Variants in PIGG observed in about 807,000 individuals in gnomAD.
The protein encoded by PIGG is phosphatidylinositol glycan anchor biosynthesis class G (EMM blood group), also known as GPI ethanolamine phosphate transferase 2, catalytic subunit.
Under a neutral mutation model 83.2 loss-of-function variants are expected in PIGG, and 70 were observed. That is an observed-to-expected ratio of 0.84 (90% CI 0.69 to 1.03). The LOEUF (loss-of-function observed/expected upper bound fraction) is 1.03, where lower values mean the gene tolerates loss of function less well. Ranked by LOEUF, PIGG falls within the 50% of genes least tolerant of loss-of-function variation. PIGG has a pLI of 0.00. For synonymous variants in PIGG, 532 were observed against 519.5 expected, an observed-to-expected ratio of 1.02 and a Z score of -0.33; for missense variants, 1,257 against 1,233.6, an observed-to-expected ratio of 1.02 and a Z score of -0.28.
At chr4:522,441 C>T in intron 8 of PIGG, 1 of 208,354 alleles carries the variant, frequency 4.8e-6, no homozygotes, top group Non-Finnish European at 9.8e-6. Flanking sequence ...CGGACGTTTT[C>T]TGTTGGAATT....
chr4:512,686 G>A (rs1170014459), intron 5 of PIGG, among the ~76,000 whole-genome samples: 3 of 151,708 alleles, frequency 2.0e-5, no homozygotes, highest in South Asian at 2.1e-4. Flanking sequence ...GTGGTGGTGG[G>A]CGCCTGTAAT....
chr4:504,960 G>T (rs561541636), intron 2 of PIGG, among the ~76,000 whole-genome samples: 1 of 152,152 alleles, frequency 6.6e-6, no homozygotes, highest in Non-Finnish European at 1.5e-5. Context: ...GAAAGTTCAC[G>T]CTTTAGGACT....
Position 539,935 on chromosome 4 carries a change from T to TG in PIGG, c.*571dup, listed in dbSNP as rs1206043997. ...GACCCAGCACTTTGGGAGGCCAGAG[T>TG]GGGGGTATCACTTGAGCCCAGGTGT... is the stretch of plus-strand genomic sequence containing the variant. On this transcript the variant is annotated 3_prime_UTR_variant, in exon 13 of 13. Coordinates refer to ENST00000453061, the MANE Select transcript of PIGG (RefSeq NM_001127178.3). The TG allele has an allele frequency of 1.3e-5, 2 of 151,744 alleles. No individual in the cohort carries two copies. Among genetic ancestry groups the TG allele is most frequent in the Non-Finnish European group, 2.9e-5 (2 of 68,018 alleles). 9.4% of individuals were successfully genotyped at this position (151,744 alleles called of 1,614,324 possible).
rs1378763954 is a variant in PIGG at position 515,949 on chromosome 4, C to A, written c.902-24C>A. 2.5e-6 allele frequency: 4 copies of A among 1,585,814 alleles called. No homozygotes were observed. The African/African-American group carries it at 5.4e-5, about 21-fold the overall frequency. ...TCTTACACTTTCTAGAAGTCTGTTA[C>A]TTAAAATGTTTTCTTTCTTCTAGGT... On this transcript the variant is annotated intron_variant, in intron 5 of 12. Coordinates refer to ENST00000453061, the MANE Select transcript of PIGG (RefSeq NM_001127178.3). The surrounding 1 kb of genome is among the most constrained non-coding windows in gnomAD (Gnocchi z 4.2).
rs527780909 is a variant in PIGG, at chr4:522,079, G to A, written c.1614+138G>A. ...ACGTGCTGGCAGTGCCCTGGACAGG[G>A]GGCCTCAGGGAAGGACGTGGAGCAG... On this transcript the variant is annotated intron_variant, in intron 8 of 12. Transcript: ENST00000453061. The A allele has an allele frequency of 1.0e-5, 9 of 898,250 alleles. No homozygotes were observed. The East Asian group carries it at 2.3e-4, about 23-fold the overall frequency. The allele number at this position is 898,250 out of a possible 1,614,324, so 55.6% of individuals were successfully genotyped here.
At position 523,469 on chromosome 4, in the gene PIGG, A is replaced by G. The variant is rs1001699558; in HGVS notation, c.1625A>G (p.His542Arg). The G allele has an allele frequency of 1.2e-6, 2 of 1,604,786 alleles. No individual in the cohort carries two copies. The highest frequency in any genetic ancestry group is 2.7e-5 in the African/African-American group (2 of 74,608). The change falls in exon 9 of 13, where the codon CAT becomes CGT. Residue 542 changes from histidine to arginine, a missense_variant. Coordinates refer to ENST00000453061, the MANE Select transcript of PIGG (RefSeq NM_001127178.3). ...GGNTPRKNPM[H>R]PSSRWSELDL... ...CTTTCCTTTTCACAGAACCCCATGCATCCCAGCTCAAGGTGGTCAGAGCTA... is the reference window on the plus strand; with the variant it reads ...CTTTCCTTTTCACAGAACCCCATGCGTCCCAGCTCAAGGTGGTCAGAGCTA...
At chr4:511,511 A>G (rs1721951763) in intron 5 of PIGG, among the ~76,000 whole-genome samples, 1 of 152,176 alleles carries the variant, frequency 6.6e-6, no homozygotes, top group Non-Finnish European at 1.5e-5. Context: ...CTTACCCAGT[A>G]TAGCTGTGCC....
rs1158297424 is a variant in PIGG, at chr4:515,966, C to A, written c.902-7C>A. 19 of 1,610,440 alleles carry A rather than the reference C, an allele frequency of 1.2e-5. No homozygotes were observed. Among genetic ancestry groups the A allele is most frequent in the Non-Finnish European group, 1.6e-5 (19 of 1,176,646 alleles). On this transcript the variant is annotated splice_region_variant and splice_polypyrimidine_tract_variant and intron_variant, in intron 5 of 12. Transcript: ENST00000453061. The surrounding 1 kb of genome is among the most constrained non-coding windows in gnomAD (Gnocchi z 4.2). ...GTCTGTTACTTAAAATGTTTTCTTT[C>A]TTCTAGGTGATATCCGACATCCAAA...
Position 539,447 on chromosome 4 carries a change from A to T in PIGG, c.*78A>T. 3.5e-6 allele frequency: 3 copies of T among 854,926 alleles called. No individual in the cohort carries two copies. The highest frequency in any genetic ancestry group is 5.5e-6 in the Non-Finnish European group (3 of 540,990). The allele number at this position is 854,926 out of a possible 1,614,324, so 53.0% of individuals were successfully genotyped here. A position where few individuals can be genotyped will look rare whatever the true frequency, so the allele number is the denominator to read the frequency against. On this transcript the variant is annotated 3_prime_UTR_variant, in exon 13 of 13. Coordinates refer to ENST00000453061, the MANE Select transcript of PIGG (RefSeq NM_001127178.3). ...AAAATGAAAGATATGAATTCAACAA[A>T]GTTGATGGATAACTTTCTTTGACTG...
At chr4:524,945 A>T (rs1390153286) in intron 9 of PIGG, 1 of 153,022 alleles carries the variant, frequency 6.5e-6, no homozygotes, top group African/African-American at 2.4e-5. Context: ...GGCGTGAGCC[A>T]CTGTGCCCAG....
chr4:505,936 T>C lies in PIGG; in HGVS notation c.570+9T>C. 1 of 1,576,920 alleles carries C rather than the reference T, an allele frequency of 6.3e-7. No individual in the cohort carries two copies. The highest frequency in any genetic ancestry group is 8.7e-7 in the Non-Finnish European group (1 of 1,147,816). On this transcript the variant is annotated intron_variant, in intron 3 of 12. Coordinates refer to ENST00000453061, the MANE Select transcript of PIGG (RefSeq NM_001127178.3). ...TGTCAGATTACACAGAGGTCAGTTT[T>C]TAAAATAAGAAAATATATCATACTA... is the stretch of plus-strand genomic sequence containing the variant.
chr4:499,311 C>T lies in PIGG; in HGVS notation c.-25C>T. ...GGCGAGGCTCCAGGTGGGGTCGGTT[C>T]CGCATCCAGCCTAGCGTGTCCACGA... On this transcript the variant is annotated 5_prime_UTR_variant, in exon 1 of 13. Coordinates refer to ENST00000453061, the MANE Select transcript of PIGG (RefSeq NM_001127178.3). 3 of 1,601,686 alleles carry T rather than the reference C, an allele frequency of 1.9e-6. No homozygotes were observed. Among genetic ancestry groups the T allele is most frequent in the South Asian group, 2.2e-5 (2 of 90,554 alleles).
In PIGG at chr4:539,267, A is replaced by G. The variant is rs375804325; in HGVS notation, c.2850A>G (p.Val950=). ...GTTATCATTTATTTATATGGAGTGT[A>G]TTTTCTCCAAAACTTCTCTACGAGG... ...SLRYHLFIWS[V]FSPKLLYEGM... is the part of the protein sequence containing the mutation. The change falls in exon 13 of 13, where the codon GTA becomes GTG. Residue 950 remains valine, a synonymous_variant. Transcript: ENST00000453061. 7.4e-6 allele frequency: 12 copies of G among 1,612,760 alleles called. No homozygotes were observed. Among genetic ancestry groups the G allele is most frequent in the African/African-American group, 2.7e-5 (2 of 74,818 alleles).
chr4:501,446 G>A lies in PIGG; in HGVS notation c.360+845G>A, dbSNP rs151273025. Among the ~76,000 whole-genome samples, 720 of 152,346 alleles carry A rather than the reference G, an allele frequency of 4.7e-3. 5 individuals are homozygous for A. The highest frequency in any genetic ancestry group is 0.016 in the African/African-American group (682 of 41,564). On this transcript the variant is annotated intron_variant, in intron 2 of 12. Coordinates refer to ENST00000453061, the MANE Select transcript of PIGG (RefSeq NM_001127178.3). ...AGACTGGAAGGATGAATAAAGGTGG[G>A]GACAGAAAGGAGCAGAGGGGTTGAA...
At position 499,331 on chromosome 4, in the gene PIGG, C is replaced by G. The variant is rs782547589; in HGVS notation, c.-5C>G. 33 of 1,606,538 alleles carry G rather than the reference C, an allele frequency of 2.1e-5. No homozygotes were observed. The highest frequency in any genetic ancestry group is 1.8e-5 in the Non-Finnish European group (21 of 1,179,742). On this transcript the variant is annotated 5_prime_UTR_variant, in exon 1 of 13. Transcript: ENST00000453061. ...CGGTTCCGCATCCAGCCTAGCGTGTCCACGATGCGGCTGGGCTCCGGGACT... is the reference window on the plus strand; with the variant it reads ...CGGTTCCGCATCCAGCCTAGCGTGTGCACGATGCGGCTGGGCTCCGGGACT...
chr4:538,636 A>G (rs138506726), intron 12 of PIGG, among the ~76,000 whole-genome samples: 1 of 152,350 alleles, frequency 6.6e-6, no homozygotes, highest in Admixed American at 6.5e-5. Context: ...TTGGGGCTGC[A>G]GCTCATGTCC....
Position 507,973 on chromosome 4 carries a change from C to A in PIGG, c.759+380C>A, listed in dbSNP as rs187955815. Among the ~76,000 whole-genome samples the A allele has an allele frequency of 4.5e-3, 685 of 152,278 alleles. 2 individuals carry two copies. The highest frequency in any genetic ancestry group is 0.016 in the African/African-American group (650 of 41,560). ...TCTCTCTTCTGTGTCACTCTCTGTT[C>A]TGTGTCACTCTCTCTGCTCTGTGCC... On this transcript the variant is annotated intron_variant, in intron 4 of 12. Transcript: ENST00000453061.
intron 6 of PIGG, among the ~76,000 whole-genome samples, chr4:518,466 G>A (rs112099309): frequency 6.2e-4 from 95 of 152,258 alleles, no homozygotes; most frequent in African/African-American, 2.1e-3. Flanking sequence ...GGTGGCAGGC[G>A]CCTGTAGGCC....
Position 523,703 on chromosome 4 carries a change from CA to C in PIGG, c.1860del (p.Ala621ArgfsTer40). 6.2e-7 allele frequency: 1 copy of C among 1,614,188 alleles called. No individual in the cohort carries two copies. The highest frequency in any genetic ancestry group is 8.5e-7 in the Non-Finnish European group (1 of 1,180,014). The part of the protein sequence containing the change: ...CVEQGHDGAT[A>X]AWQDGPGCDV... Reference sequence around the variant, plus strand: ...GAACAAGGGCATGACGGGGCCACAGCAGCGTGGCAGGACGGGCCTGGCTGTG... The same window carrying C: ...GAACAAGGGCATGACGGGGCCACAGCGCGTGGCAGGACGGGCCTGGCTGTG... On this transcript the variant is annotated frameshift_variant, in exon 9 of 13. Transcript: ENST00000453061. LOFTEE classifies it high-confidence loss of function.
Sources: gnomAD v4.1 joint callset for allele counts (sites outside exome capture counted in the v4.1 genomes callset) on GRCh38, gnomAD v4.1.1 for gene constraint, Gnocchi (gnomAD v3.1) non-coding constraint, MANE v1.5 for transcripts, NCBI Gene and HGNC (gene_info 2026-07-23, HGNC 2026-07-21) for gene names.